Variants in SCOC observed in about 807,000 individuals in gnomAD.
SCOC encodes the protein short coiled coil protein.
In SCOC, 7 loss-of-function variants were observed where a neutral mutation model predicts 9.9. The ratio of observed to expected loss-of-function variants is 0.71; its 90% CI spans 0.40 to 1.33. SCOC has a LOEUF of 1.33. Among genes scored for constraint, SCOC ranks in the 40% most tolerant of loss-of-function variants. SCOC has a pLI of 0.01. For synonymous variants in SCOC, 19 were observed against 28.2 expected (o/e 0.67, Z 1.03); for missense variants, 66 against 89.7 (o/e 0.74, Z 1.07).
In SCOC at chr4:140,361,365, C is replaced by G. The variant is rs550288156; in HGVS notation, c.70+17657C>G. Among the ~76,000 whole-genome samples the G allele has an allele frequency of 2.2e-4, 33 of 152,188 alleles. No homozygotes were observed. The South Asian group carries it at 6.4e-3, about 30-fold the overall frequency. On this transcript the variant is annotated intron_variant, in intron 2 of 4. Transcript: ENST00000338517. ...CCAATGGTGCTTGTTAGGAAAAACTCTATTAAACTGTATTTTAGGCCAGCG... is the reference window on the plus strand; with the variant it reads ...CCAATGGTGCTTGTTAGGAAAAACTGTATTAAACTGTATTTTAGGCCAGCG...
chr4:140,335,265 G>C (rs1045357343), intron 1 of SCOC, among the ~76,000 whole-genome samples: 4 of 152,206 alleles, frequency 2.6e-5, no homozygotes, highest in Non-Finnish European at 5.9e-5. Flanking sequence ...ATGGATCCCA[G>C]CTCTGCCACT....
upstream of SCOC, among the ~76,000 whole-genome samples, chr4:140,342,640 T>C (rs933483875): frequency 1.1e-4 from 16 of 152,342 alleles, no homozygotes; most frequent in Non-Finnish European, 1.9e-4. Context: ...GAATGTAGCA[T>C]GTAGTAACAA....
In SCOC at chr4:140,271,977, G is replaced by A. The variant is rs1305133416; in HGVS notation, c.-19+14567G>A. ...TCCAGGAGGCACCCACAGAGATTATGGCAGCGCAAGGTCGACCCTCCTATG... is the reference window on the plus strand; with the variant it reads ...TCCAGGAGGCACCCACAGAGATTATAGCAGCGCAAGGTCGACCCTCCTATG... On this transcript the variant is annotated intron_variant, in intron 1 of 4. Transcript: ENST00000394205. Among the ~76,000 whole-genome samples the A allele has an allele frequency of 3.3e-5, 5 of 152,026 alleles. No individual in the cohort carries two copies. In the East Asian group the frequency reaches 9.6e-4, roughly 29 times the overall value.
upstream of SCOC, among the ~76,000 whole-genome samples, chr4:140,370,838 C>T (rs574935436): frequency 3.3e-5 from 5 of 151,804 alleles, no homozygotes; most frequent in African/African-American, 9.7e-5. Flanking sequence ...GGCCTACTTA[C>T]GTTATTTGCA....
chr4:140,350,810 C>G (rs1726943337), intron 2 of SCOC, among the ~76,000 whole-genome samples: 1 of 152,180 alleles, frequency 6.6e-6, no homozygotes. Context: ...GTGTCTTGAA[C>G]TAGCCTGGCA....
At chr4:140,350,447 G>A (rs1396641928) in intron 2 of SCOC, among the ~76,000 whole-genome samples, 1 of 152,210 alleles carries the variant, frequency 6.6e-6, no homozygotes, top group Admixed American at 6.5e-5. Context: ...GCTGAGAGTT[G>A]ACTCCTAGGG....
At chr4:140,299,584 G>A (rs1731754957) in intron 1 of SCOC, among the ~76,000 whole-genome samples, 2 of 152,154 alleles carry the variant, frequency 1.3e-5, no homozygotes, top group South Asian at 4.1e-4. Context: ...CTTTCCCATG[G>A]AATTTACTTA....
chr4:140,291,067 A>G (rs546518115), intron 1 of SCOC, among the ~76,000 whole-genome samples: 1 of 152,238 alleles, frequency 6.6e-6, no homozygotes, highest in East Asian at 1.9e-4. Flanking sequence ...CTTTTTTCTA[A>G]TATTGGCTCT....
At chr4:140,304,674 C>A (rs2126457771) in intron 1 of SCOC, among the ~76,000 whole-genome samples, 1 of 152,222 alleles carries the variant, frequency 6.6e-6, no homozygotes, top group South Asian at 2.1e-4. Context: ...AAGCTCAGAA[C>A]TTTGGGGAGA....
upstream of SCOC, among the ~76,000 whole-genome samples, chr4:140,339,777 C>T (rs1014160713): frequency 1.3e-5 from 2 of 152,134 alleles, no homozygotes; most frequent in African/African-American, 2.4e-5. Context: ...GTTAGAATGG[C>T]GATCATTAAA....
rs34147327 is a variant in SCOC, at chr4:140,361,228, GTTT to G, written c.70+17533_70+17535del. Among the ~76,000 whole-genome samples the G allele has an allele frequency of 1.5e-3, 212 of 146,080 alleles. 2 individuals are homozygous for G. The highest frequency in any genetic ancestry group is 2.9e-3 in the African/African-American group (118 of 40,006). ...ATGGTCCCTTGCAGCACGGCAGTGGGTTTTTTTTTTTTTTTCTGGAAAGTGATG... is the reference window on the plus strand; with the variant it reads ...ATGGTCCCTTGCAGCACGGCAGTGGGTTTTTTTTTTTTCTGGAAAGTGATG... On this transcript the variant is annotated intron_variant, in intron 2 of 4. Transcript: ENST00000338517.
At chr4:140,311,008 C>T (rs944792710) in intron 1 of SCOC, among the ~76,000 whole-genome samples, 2 of 152,208 alleles carry the variant, frequency 1.3e-5, no homozygotes, top group Admixed American at 6.5e-5. Flanking sequence ...TAGGGAAAAA[C>T]ATTAGAGAGT....
intron 2 of SCOC, among the ~76,000 whole-genome samples, chr4:140,349,543 AG>A (rs988969278): frequency 2.6e-5 from 4 of 152,130 alleles, no homozygotes; most frequent in Admixed American, 2.6e-4. Context: ...GATATCTCCC[AG>A]GTGTCAAATA....
chr4:140,353,812 G>A (rs1440589719), intron 2 of SCOC, among the ~76,000 whole-genome samples: 1 of 152,142 alleles, frequency 6.6e-6, no homozygotes, highest in Non-Finnish European at 1.5e-5. Context: ...CAGTGACCTG[G>A]GTCTTCCCTC....
At chr4:140,284,100 GA>G in intron 1 of SCOC, 1 of 152,300 alleles carries the variant, frequency 6.6e-6, no homozygotes, top group Non-Finnish European at 1.5e-5. Context: ...GGGGTAGGGG[GA>G]AAGGAGAGAG....
chr4:140,360,406 T>G (rs907211276), intron 2 of SCOC, among the ~76,000 whole-genome samples: 3 of 152,152 alleles, frequency 2.0e-5, no homozygotes, highest in Admixed American at 2.0e-4. Context: ...GTCAGAGACA[T>G]ATGTTATGAT....
At chr4:140,268,596 T>C (rs1730778636) in intron 1 of SCOC, among the ~76,000 whole-genome samples, 2 of 152,228 alleles carry the variant, frequency 1.3e-5, no homozygotes, top group Admixed American at 6.5e-5. Flanking sequence ...CAAAATAATC[T>C]TGGACTGCTG....
intron 1 of SCOC, chr4:140,293,396 G>A: frequency 2.2e-6 from 1 of 456,958 alleles, no homozygotes. Flanking sequence ...AGACAGGATT[G>A]GAGGTGTAAG....
chr4:140,310,787 T>A (rs1732132437), intron 1 of SCOC, among the ~76,000 whole-genome samples: 1 of 152,118 alleles, frequency 6.6e-6, no homozygotes, highest in Non-Finnish European at 1.5e-5. Flanking sequence ...CCCCCGAGGG[T>A]GGGTGTGTTT....
Sources: gnomAD v4.1 joint callset for allele counts (sites outside exome capture counted in the v4.1 genomes callset) on GRCh38, gnomAD v4.1.1 for gene constraint, MANE v1.5 for transcripts, NCBI Gene and HGNC (gene_info 2026-07-23, HGNC 2026-07-21) for gene names.